Variants in ASCC3 observed in about 807,000 individuals in gnomAD.
ASCC3 encodes activating signal cointegrator 1 complex subunit 3.
In ASCC3, 158 loss-of-function variants were observed where a neutral mutation model predicts 256.3. That is an observed-to-expected ratio of 0.62 (90% CI 0.54 to 0.70). The LOEUF is 0.70. ASCC3 is among the 30% of genes least tolerant of loss of function. The pLI, the probability that ASCC3 is intolerant of heterozygous loss-of-function variation, is 0.00. For missense variants in ASCC3, 2,259 were observed against 2,626.0 expected (o/e 0.86, Z 3.05); for synonymous variants, 948 against 883.4 (o/e 1.07, Z -1.30).
chr6:100,733,339 C>T (rs1779994983), intron 10 of ASCC3, among the ~76,000 whole-genome samples: 1 of 152,030 alleles, frequency 6.6e-6, no homozygotes, highest in African/African-American at 2.4e-5. Flanking sequence ...GGTGGGGCCT[C>T]GTGGGTGGTG....
At chr6:100,800,610 A>C in intron 5 of ASCC3, 106 bp from the exon 6 acceptor site, 1 of 827,562 alleles carries the variant, frequency 1.2e-6, no homozygotes. Context: ...ATGCTCTTAC[A>C]ATTCATTTTT....
intron 10 of ASCC3, among the ~76,000 whole-genome samples, chr6:100,763,634 CTAGATAAA>C (rs1781513314): frequency 6.6e-6 from 1 of 152,120 alleles, no homozygotes; most frequent in Non-Finnish European, 1.5e-5. Context: ...AACCTTAGAT[CTAGATAAA>C]ATGGTTTACT....
At chr6:100,683,858 T>C (rs1215815465) in intron 13 of ASCC3, among the ~76,000 whole-genome samples, 1 of 152,144 alleles carries the variant, frequency 6.6e-6, no homozygotes, top group Non-Finnish European at 1.5e-5. Context: ...TTATTTTTAT[T>C]ATGGAAAAGT....
intron 1 of ASCC3, among the ~76,000 whole-genome samples, chr6:100,875,669 G>C (rs962030767): frequency 1.3e-5 from 2 of 152,052 alleles, no homozygotes; most frequent in Non-Finnish European, 1.5e-5. Flanking sequence ...TTCTAAGAAA[G>C]TGATCCACAA....
intron 36 of ASCC3, among the ~76,000 whole-genome samples, chr6:100,560,791 ACG>A (rs1554192918): frequency 2.7e-5 from 4 of 149,720 alleles, no homozygotes; most frequent in African/African-American, 4.9e-5. Context: ...ACACACACAC[ACG>A]CACACATAAC....
chr6:100,808,564 T>G (rs1770304203), intron 4 of ASCC3, among the ~76,000 whole-genome samples: 1 of 151,986 alleles, frequency 6.6e-6, no homozygotes, highest in Non-Finnish European at 1.5e-5. Flanking sequence ...GGTATGAGAA[T>G]CTGCTTTCTA....
chr6:100,602,872 G>A (rs1266625852), intron 33 of ASCC3, among the ~76,000 whole-genome samples: 1 of 151,948 alleles, frequency 6.6e-6, no homozygotes, highest in Non-Finnish European at 1.5e-5. Flanking sequence ...AAATATGCAG[G>A]TATTAAAAAT....
chr6:100,743,923 T>A (rs953975946), intron 10 of ASCC3, among the ~76,000 whole-genome samples: 1 of 152,196 alleles, frequency 6.6e-6, no homozygotes. Context: ...TTTTCTAACA[T>A]CATCATCATT....
rs762443112 is a variant in ASCC3 at position 100,631,200 on chromosome 6, G to A, written c.4136C>T (p.Ala1379Val). ...TTCACGTACTAGGGCTTTTAGGGGT[G>A]CAATATATACCGCCTAAAAAGGGGA... The part of the protein sequence containing the change: ...KYPTSKAVYI[A>V]PLKALVRERM... The change falls in exon 26 of 42, where the codon GCA (alanine) becomes GTA (valine). Residue 1379 changes from alanine to valine, a missense_variant. Around this residue, in one of 2 missense-constraint regions of ASCC3, gnomAD observed 1,839 missense variants for 2,206.7 expected, o/e 0.83. Transcript: ENST00000369162. 1.1e-5 allele frequency: 17 copies of A among 1,611,392 alleles called. No homozygotes were observed. Among genetic ancestry groups the A allele is most frequent in the Non-Finnish European group, 1.7e-6 (2 of 1,178,114 alleles).
At chr6:100,610,724 T>A (rs1582558297) in intron 30 of ASCC3, among the ~76,000 whole-genome samples, 1 of 152,170 alleles carries the variant, frequency 6.6e-6, no homozygotes, top group Admixed American at 6.6e-5. Context: ...AATATATTAG[T>A]ATGAATCCAC....
intron 13 of ASCC3, among the ~76,000 whole-genome samples, chr6:100,713,289 T>C (rs140441121): frequency 6.6e-6 from 1 of 152,096 alleles, no homozygotes; most frequent in Non-Finnish European, 1.5e-5. Context: ...GAACCTAGAA[T>C]ACCTATCACT....
At chr6:100,579,736 T>G (rs1322248586) in intron 36 of ASCC3, among the ~76,000 whole-genome samples, 2 of 152,154 alleles carry the variant, frequency 1.3e-5, no homozygotes, top group Admixed American at 1.3e-4. Context: ...TGTAGCCTTG[T>G]AGTATAGTTT....
At chr6:100,850,931 G>A (rs985255535) in intron 3 of ASCC3, among the ~76,000 whole-genome samples, 23 of 152,174 alleles carry the variant, frequency 1.5e-4, no homozygotes, top group African/African-American at 5.3e-4. Context: ...ACTAAAGTCT[G>A]AGCAAAAATG....
intron 34 of ASCC3, among the ~76,000 whole-genome samples, chr6:100,595,110 G>A (rs1361488155): frequency 6.6e-6 from 1 of 152,100 alleles, no homozygotes; most frequent in African/African-American, 2.4e-5. Context: ...CGGTTAGACA[G>A]AAGGAATAAG....
At chr6:100,837,168 A>G (rs539126281) in intron 4 of ASCC3, among the ~76,000 whole-genome samples, 1 of 152,200 alleles carries the variant, frequency 6.6e-6, no homozygotes, top group South Asian at 2.1e-4. Context: ...CAAAATGACA[A>G]TGAGGTACCA....
At chr6:100,837,916 G>A (rs1771956052) in intron 4 of ASCC3, among the ~76,000 whole-genome samples, 1 of 152,064 alleles carries the variant, frequency 6.6e-6, no homozygotes, top group South Asian at 2.1e-4. Flanking sequence ...ATAAATGTAT[G>A]AGGTCATGGT....
intron 36 of ASCC3, among the ~76,000 whole-genome samples, chr6:100,555,017 A>T (rs1769497396): frequency 6.6e-6 from 1 of 151,960 alleles, no homozygotes; most frequent in Admixed American, 6.6e-5. Flanking sequence ...CAAACAAAAT[A>T]AACCTCTAAA....
chr6:100,650,371 G>A (rs192813637), intron 20 of ASCC3, among the ~76,000 whole-genome samples, 167 bp downstream of exon 20: 36 of 151,798 alleles, frequency 2.4e-4, no homozygotes, highest in Admixed American at 1.9e-3. Flanking sequence ...TGTTTTATGA[G>A]CATAGATTAC....
At chr6:100,597,302 C>G (rs1050775225) in intron 34 of ASCC3, among the ~76,000 whole-genome samples, 7 of 152,074 alleles carry the variant, frequency 4.6e-5, no homozygotes, top group Admixed American at 2.0e-4. Flanking sequence ...GTTTAGTTTA[C>G]TAATACATCT....
Sources: gnomAD v4.1 joint callset for allele counts (sites outside exome capture counted in the v4.1 genomes callset) on GRCh38, gnomAD v4.1.1 for gene constraint, gnomAD v4.1.1 regional missense constraint, MANE v1.5 for transcripts, NCBI Gene and HGNC (gene_info 2026-07-23, HGNC 2026-07-21) for gene names.